MAPK10: variants seen among roughly 807,000 people sequenced by gnomAD.
The protein encoded by MAPK10 is mitogen-activated protein kinase 10.
A neutral mutation model predicts 59.3 loss-of-function variants in MAPK10; 25 were observed. The observed-to-expected ratio is 0.42, with a 90% CI of 0.31 to 0.59. The LOEUF (loss-of-function observed/expected upper bound fraction) is 0.59. MAPK10 is among the 20% of genes least tolerant of loss of function. The pLI is 0.15. For missense variants in MAPK10, 351 were observed against 568.9 expected (o/e 0.62, Z 3.90); for synonymous variants, 190 against 200.5 (o/e 0.95, Z 0.44).
chr4:86,520,746 AG>A (rs1757053409), intron 1 of MAPK10, among the ~76,000 whole-genome samples: 1 of 152,126 alleles, frequency 6.6e-6, no homozygotes, highest in Non-Finnish European at 1.5e-5. Context: ...AGACTTTTTC[AG>A]TGGAAGATTC....
chr4:86,186,469 G>C (rs1408706205), intron 3 of MAPK10, among the ~76,000 whole-genome samples: 2 of 152,090 alleles, frequency 1.3e-5, no homozygotes, highest in Admixed American at 6.6e-5. Context: ...GTTACAGAAA[G>C]CATATGCAAA....
intron 9 of MAPK10, among the ~76,000 whole-genome samples, chr4:86,083,685 T>C (rs1204375127): frequency 6.6e-6 from 1 of 151,962 alleles, no homozygotes; most frequent in Non-Finnish European, 1.5e-5. Flanking sequence ...TCAATGGACT[T>C]TTGGGGCATG....
chr4:86,236,536 G>T (rs1282885714), intron 2 of MAPK10, among the ~76,000 whole-genome samples: 1 of 152,210 alleles, frequency 6.6e-6, no homozygotes, highest in African/African-American at 2.4e-5. Flanking sequence ...ACAAACCACA[G>T]AAGGGTCTTA....
intron 1 of MAPK10, among the ~76,000 whole-genome samples, chr4:86,573,388 C>G (rs4622964): frequency 0.31 from 47,832 of 151,984 alleles, 7,764 homozygotes; most frequent in Admixed American, 0.36. Context: ...AAATTACTCT[C>G]TCATCTTTGT....
chr4:86,170,909 G>C (rs1250107830), intron 3 of MAPK10: 1 of 151,360 alleles, frequency 6.6e-6, no homozygotes, highest in Non-Finnish European at 1.5e-5. Context: ...TAGAACTCAG[G>C]ATTAAGAAAC....
intron 1 of MAPK10, among the ~76,000 whole-genome samples, chr4:86,359,252 GT>G (rs150608851): frequency 5.5e-5 from 3 of 54,960 alleles, no homozygotes; most frequent in African/African-American, 1.4e-4. Flanking sequence ...GCTGTTTGGT[GT>G]TTTTTTTTTC....
At chr4:86,235,888 C>A (rs2092169538) in intron 2 of MAPK10, among the ~76,000 whole-genome samples, 2 of 152,176 alleles carry the variant, frequency 1.3e-5, no homozygotes, top group South Asian at 4.1e-4. Flanking sequence ...TAGCTTCAAA[C>A]AATATAAATG....
chr4:86,575,145 G>A (rs899853893), intron 1 of MAPK10, among the ~76,000 whole-genome samples: 4 of 152,114 alleles, frequency 2.6e-5, no homozygotes, highest in Non-Finnish European at 4.4e-5. Context: ...TGTTTGAGCC[G>A]GGACATTGGC....
intron 1 of MAPK10, among the ~76,000 whole-genome samples, chr4:86,376,526 G>A (rs1175286563): frequency 6.6e-6 from 1 of 152,206 alleles, no homozygotes; most frequent in African/African-American, 2.4e-5. Flanking sequence ...GTTGGTTGTT[G>A]AATAAAGGTT....
At chr4:86,366,377 G>C (rs1737902896) in intron 1 of MAPK10, among the ~76,000 whole-genome samples, 1 of 152,108 alleles carries the variant, frequency 6.6e-6, no homozygotes, top group African/African-American at 2.4e-5. Flanking sequence ...TAATTCTTAA[G>C]ATCTGTGCAT....
intron 1 of MAPK10, among the ~76,000 whole-genome samples, chr4:86,591,950 A>G (rs1262332373): frequency 6.6e-6 from 1 of 152,028 alleles, no homozygotes; most frequent in Non-Finnish European, 1.5e-5. Flanking sequence ...GCTTTAGTAT[A>G]ACATATATAT....
chr4:86,531,467 G>A (rs1299322296), intron 1 of MAPK10, among the ~76,000 whole-genome samples: 4 of 152,116 alleles, frequency 2.6e-5, no homozygotes, highest in Non-Finnish European at 4.4e-5. Context: ...CTATAAACTT[G>A]TCAGTGAAGA....
At chr4:86,569,938 C>A (rs1039649955) in intron 1 of MAPK10, among the ~76,000 whole-genome samples, 1 of 151,980 alleles carries the variant, frequency 6.6e-6, no homozygotes, top group Non-Finnish European at 1.5e-5. Context: ...TGTACTTGTA[C>A]CCCTAAGTCC....
chr4:86,175,334 C>T (rs2075431426), intron 3 of MAPK10, among the ~76,000 whole-genome samples: 2 of 152,030 alleles, frequency 1.3e-5, no homozygotes, highest in African/African-American at 4.8e-5. Context: ...ACACTAAAGC[C>T]ATGTTTTCAT....
chr4:86,317,311 C>T (rs931487185), intron 2 of MAPK10, among the ~76,000 whole-genome samples: 21 of 152,166 alleles, frequency 1.4e-4, no homozygotes, highest in Non-Finnish European at 5.9e-5. Context: ...TTCCTTCTCA[C>T]GTTCGTACTT....
chr4:86,490,974 A>T (rs559946958), intron 1 of MAPK10, among the ~76,000 whole-genome samples: 5 of 152,322 alleles, frequency 3.3e-5, no homozygotes, highest in African/African-American at 1.2e-4. Flanking sequence ...AGAGTCGCTG[A>T]CTTTAAAAAC....
intron 8 of MAPK10, 118 bp from the exon 9 acceptor site, chr4:86,098,713 C>T (rs1227517032): frequency 3.5e-6 from 3 of 867,874 alleles, no homozygotes; most frequent in Non-Finnish European, 5.6e-6. Flanking sequence ...ATTTTCACCT[C>T]CCACCAAAAG....
chr4:86,106,630 C>T (rs2056590770), intron 5 of MAPK10, among the ~76,000 whole-genome samples: 1 of 151,756 alleles, frequency 6.6e-6, no homozygotes, highest in African/African-American at 2.4e-5. Context: ...TACTGGTCTA[C>T]CCAGCTGAGT....
intron 4 of MAPK10, among the ~76,000 whole-genome samples, chr4:86,112,148 CA>C (rs58506105): frequency 0.59 from 85,671 of 144,748 alleles, 26,935 homozygotes; most frequent in South Asian, 0.8. Flanking sequence ...TTAACTTTTC[CA>C]AAAAAAAAAA....
Sources: allele counts gnomAD v4.1 joint callset (sites outside exome capture counted in the v4.1 genomes callset), GRCh38; gene constraint gnomAD v4.1.1; transcripts MANE v1.5; gene names NCBI Gene and HGNC (gene_info 2026-07-23, HGNC 2026-07-21).